The following WWTR1 variants were observed in gnomAD, a reference collection of about 807,000 sequenced individuals.
The protein encoded by WWTR1 is WW domain containing transcription regulator 1.
Under a neutral mutation model 40.1 loss-of-function variants are expected in WWTR1, and 13 were observed. The observed-to-expected ratio is 0.32, with a 90% CI of 0.21 to 0.52. The LOEUF is 0.52. Among genes scored for constraint, WWTR1 ranks in the 20% least tolerant of loss-of-function variants. The pLI, the probability that WWTR1 is intolerant of heterozygous loss-of-function variation, is 0.97. For missense variants in WWTR1, 436 were observed against 523.1 expected, an observed-to-expected ratio of 0.83 and a Z score of 1.63; for synonymous variants, 230 against 210.1, an observed-to-expected ratio of 1.09 and a Z score of -0.82.
intron 2 of WWTR1, among the ~76,000 whole-genome samples, chr3:149,579,638 C>G (rs1470482646): frequency 1.3e-5 from 2 of 151,968 alleles, no homozygotes; most frequent in Non-Finnish European, 2.9e-5. Flanking sequence ...ATAAAAAGAC[C>G]CTAGCTCTTA....
chr3:149,710,823 C>G (rs1419497752), intron 5 of WWTR1, among the ~76,000 whole-genome samples: 1 of 151,982 alleles, frequency 6.6e-6, no homozygotes, highest in Non-Finnish European at 1.5e-5. Context: ...AAGTGATCCA[C>G]CCACCTCAGC....
chr3:149,543,513 C>T (rs1283155173), intron 3 of WWTR1, among the ~76,000 whole-genome samples: 5 of 122,192 alleles, frequency 4.1e-5, no homozygotes, highest in Non-Finnish European at 6.3e-5. Flanking sequence ...ACCCGGGAGG[C>T]GGAGGTTGCA....
At chr3:149,630,691 C>A (rs868317533) in intron 2 of WWTR1, among the ~76,000 whole-genome samples, 1 of 152,174 alleles carries the variant, frequency 6.6e-6, no homozygotes, top group South Asian at 2.1e-4. Flanking sequence ...CAATAGGAAG[C>A]AGAGTCACAA....
intron 1 of WWTR1, among the ~76,000 whole-genome samples, chr3:149,674,277 C>G (rs923761997): frequency 1.3e-5 from 2 of 151,162 alleles, no homozygotes. Context: ...ATCTCTTTCT[C>G]TCTCACACAC....
chr3:149,555,069 C>T (rs1471169783), intron 3 of WWTR1, among the ~76,000 whole-genome samples: 1 of 152,184 alleles, frequency 6.6e-6, no homozygotes, highest in African/African-American at 2.4e-5. Flanking sequence ...TTTATTGTAG[C>T]TTTTTATTGG....
rs1200484358 is a variant in WWTR1 at position 149,709,224 on chromosome 3, C to A, written n.585-5896G>T. Reference sequence around the variant, plus strand: ...TCCTGGGCTCAAGCAGTCTGCCTGCCTCGACTTCCCAAAGTGCTGGGATTA... The same window carrying A: ...TCCTGGGCTCAAGCAGTCTGCCTGCATCGACTTCCCAAAGTGCTGGGATTA... On this transcript the variant is annotated intron_variant and non_coding_transcript_variant, in intron 5 of 6. Coordinates refer to the WWTR1 transcript ENST00000474080. 2.6e-5 allele frequency among the ~76,000 whole-genome samples: 4 copies of A among 151,468 alleles called. No homozygotes were observed. The East Asian group carries it at 7.7e-4, about 29-fold the overall frequency.
intron 1 of WWTR1, among the ~76,000 whole-genome samples, chr3:149,678,575 A>T (rs1714349313): frequency 6.6e-6 from 1 of 152,194 alleles, no homozygotes; most frequent in Non-Finnish European, 1.5e-5. Context: ...CCTTTGATCC[A>T]CAGCCTGAGG....
chr3:149,635,837 A>T (rs1424800570), intron 2 of WWTR1, among the ~76,000 whole-genome samples: 1 of 152,168 alleles, frequency 6.6e-6, no homozygotes, highest in Non-Finnish European at 1.5e-5. Flanking sequence ...GCAGTTTTTT[A>T]AAATAAAAAA....
chr3:149,657,121 C>A lies in WWTR1; in HGVS notation c.186G>T (p.Ser62=). 1.3e-6 allele frequency: 2 copies of A among 1,588,528 alleles called. No homozygotes were observed. Among genetic ancestry groups the A allele is most frequent in the Non-Finnish European group, 8.5e-7 (1 of 1,169,968 alleles). ...CCGACGAGTCGGTGCTGGACTGGCG[C>A]GAGTGCGAGCCCGAATCAGGCTCCT... ...FFKEPDSGSH[S]RQSSTDSSGG... The change falls in exon 2 of 7, where the codon TCG becomes TCT. Residue 62 remains serine (S), a synonymous_variant. Coordinates refer to ENST00000360632, the MANE Select transcript of WWTR1 (RefSeq NM_015472.6).
intron 2 of WWTR1, among the ~76,000 whole-genome samples, chr3:149,627,508 C>G (rs1740621738): frequency 6.6e-6 from 1 of 152,120 alleles, no homozygotes; most frequent in African/African-American, 2.4e-5. Context: ...TTTCCTGCAC[C>G]CCCTGGAAAT....
intron 3 of WWTR1, among the ~76,000 whole-genome samples, chr3:149,544,936 T>C (rs1560053250): frequency 6.6e-6 from 1 of 152,194 alleles, no homozygotes; most frequent in Non-Finnish European, 1.5e-5. Flanking sequence ...CTAGACAGTT[T>C]AGGTTTCCCC....
upstream of WWTR1, among the ~76,000 whole-genome samples, chr3:149,705,796 G>A (rs567404519): frequency 6.6e-6 from 1 of 152,200 alleles, no homozygotes; most frequent in Non-Finnish European, 1.5e-5. Context: ...ATGAAGTTAT[G>A]CTAATTAAGT....
At chr3:149,531,939 A>T (rs1576540728) in intron 4 of WWTR1, among the ~76,000 whole-genome samples, 1 of 152,182 alleles carries the variant, frequency 6.6e-6, no homozygotes, top group African/African-American at 2.4e-5. Context: ...ATAATAGCCT[A>T]TTGTATACAA....
At chr3:149,637,417 G>A (rs921362310) in intron 2 of WWTR1, among the ~76,000 whole-genome samples, 1 of 151,786 alleles carries the variant, frequency 6.6e-6, no homozygotes, top group Non-Finnish European at 1.5e-5. Flanking sequence ...TTTTAGTAGA[G>A]ACGGGGTTTC....
intron 1 of WWTR1, among the ~76,000 whole-genome samples, chr3:149,673,011 G>C (rs1345742477): frequency 6.6e-6 from 1 of 152,074 alleles, no homozygotes. Context: ...AGTATGAATT[G>C]CTAAAAATGA....
chr3:149,588,666 T>C (rs946942085), intron 2 of WWTR1, among the ~76,000 whole-genome samples: 5 of 152,168 alleles, frequency 3.3e-5, no homozygotes, highest in Non-Finnish European at 5.9e-5. Flanking sequence ...ATCTTTACAT[T>C]TCTTTGTTCT....
chr3:149,686,124 G>T (rs1714636359), intron 1 of WWTR1, among the ~76,000 whole-genome samples: 1 of 152,158 alleles, frequency 6.6e-6, no homozygotes, highest in Non-Finnish European at 1.5e-5. Context: ...ATCTCAAATA[G>T]CAAGAGGTTA....
At chr3:149,682,725 A>G (rs1259155287) in intron 1 of WWTR1, among the ~76,000 whole-genome samples, 1 of 152,226 alleles carries the variant, frequency 6.6e-6, no homozygotes, top group Admixed American at 6.5e-5. Context: ...CTTTTACATT[A>G]TCTGCCTCCT....
rs563687943 is a variant in WWTR1 at position 149,523,634 on chromosome 3, T to C, written c.1018+2379A>G. On this transcript the variant is annotated intron_variant, in intron 6 of 6. Coordinates refer to ENST00000360632, the MANE Select transcript of WWTR1 (RefSeq NM_015472.6). ...CCAGCCTTTGCTCATGTTATTCCCT[T>C]TACTGGATCTTCGCACCAAGCCCAG... is the stretch of plus-strand genomic sequence containing the variant. Among the ~76,000 whole-genome samples, 9 of 152,322 alleles carry C rather than the reference T, an allele frequency of 5.9e-5. No homozygotes were observed. In the South Asian group the frequency reaches 1.9e-3, roughly 32 times the overall value.
Sources: allele counts gnomAD v4.1 joint callset (sites outside exome capture counted in the v4.1 genomes callset), GRCh38; gene constraint gnomAD v4.1.1; transcripts MANE v1.5; gene names NCBI Gene and HGNC (gene_info 2026-07-23, HGNC 2026-07-21).